The following SLC24A3 variants were observed in gnomAD, a reference collection of about 807,000 sequenced individuals.
SLC24A3 encodes sodium/potassium/calcium exchanger 3.
SLC24A3 carries 28 observed loss-of-function variants against 75.8 expected under a neutral mutation model. The observed-to-expected ratio is 0.37, with a 90% CI of 0.27 to 0.51. The LOEUF is 0.51. SLC24A3 is among the 20% of genes least tolerant of loss of function. The pLI is 0.94. For missense variants in SLC24A3, 663 were observed against 847.8 expected, an observed-to-expected ratio of 0.78 and a Z score of 2.71; for synonymous variants, 372 against 334.1, an observed-to-expected ratio of 1.11 and a Z score of -1.24.
At chr20:19,379,383 G>A (rs1049400810) in intron 2 of SLC24A3, among the ~76,000 whole-genome samples, 1 of 152,192 alleles carries the variant, frequency 6.6e-6, no homozygotes, top group African/African-American at 2.4e-5. Context: ...TGCCAGCCAC[G>A]TGGGATCAGG....
chr20:19,475,066 C>T (rs746312143), intron 2 of SLC24A3, among the ~76,000 whole-genome samples: 1 of 152,112 alleles, frequency 6.6e-6, no homozygotes, highest in East Asian at 1.9e-4. Context: ...AGGCTGGGCG[C>T]GGTGGCTCAC....
At chr20:19,246,051 A>G (rs760053911) in intron 1 of SLC24A3, among the ~76,000 whole-genome samples, 1 of 152,178 alleles carries the variant, frequency 6.6e-6, no homozygotes. Context: ...ATATCTAAGA[A>G]TAAAACATGT....
At chr20:19,322,559 T>A (rs1984737287) in intron 2 of SLC24A3, among the ~76,000 whole-genome samples, 1 of 152,166 alleles carries the variant, frequency 6.6e-6, no homozygotes, top group Admixed American at 6.5e-5. Context: ...TTCTTTCCTG[T>A]GTGGGTATTT....
At chr20:19,632,564 C>T (rs1169648315) in intron 6 of SLC24A3, among the ~76,000 whole-genome samples, 1 of 152,212 alleles carries the variant, frequency 6.6e-6, no homozygotes, top group East Asian at 1.9e-4. Flanking sequence ...AGGCTAACCT[C>T]TCTATCCCAA....
intron 2 of SLC24A3, among the ~76,000 whole-genome samples, chr20:19,506,071 C>T (rs969461356): frequency 5.3e-5 from 8 of 152,192 alleles, no homozygotes; most frequent in African/African-American, 1.9e-4. Context: ...TTCATTCTCC[C>T]ATTTTGCACA....
chr20:19,366,531 G>A (rs980521), intron 2 of SLC24A3, among the ~76,000 whole-genome samples: 67,895 of 151,832 alleles, frequency 0.45, 15,886 homozygotes, highest in Middle Eastern at 0.57. Context: ...CTAATGACCA[G>A]CCCTTACCCT....
chr20:19,482,585 C>T (rs1464049082), intron 2 of SLC24A3, among the ~76,000 whole-genome samples: 1 of 152,190 alleles, frequency 6.6e-6, no homozygotes, highest in Non-Finnish European at 1.5e-5. Context: ...CAGTGTCCAG[C>T]CATTGGCAGG....
chr20:19,511,328 ATTT>A (rs11478021), intron 2 of SLC24A3, among the ~76,000 whole-genome samples: 3 of 140,740 alleles, frequency 2.1e-5, no homozygotes, highest in African/African-American at 2.7e-5. Flanking sequence ...GCTTAGCTCA[ATTT>A]TTTTTTTTTT....
intron 3 of SLC24A3, among the ~76,000 whole-genome samples, chr20:19,522,834 G>T (rs2030128451): frequency 6.6e-6 from 1 of 151,840 alleles, no homozygotes; most frequent in African/African-American, 2.4e-5. Context: ...TATTTATGGG[G>T]TATAATGTGA....
chr20:19,334,548 C>G (rs534533906), intron 2 of SLC24A3, among the ~76,000 whole-genome samples: 327 of 152,212 alleles, frequency 2.1e-3, no homozygotes, highest in Non-Finnish European at 3.3e-3. Flanking sequence ...TTTTCAAACA[C>G]CAAGATTCAG....
intron 3 of SLC24A3, among the ~76,000 whole-genome samples, chr20:19,550,018 A>G (rs908194276): frequency 1.3e-5 from 2 of 152,192 alleles, no homozygotes; most frequent in Non-Finnish European, 2.9e-5. Flanking sequence ...ACTTCCAGAT[A>G]TTTTATTTAA....
chr20:19,680,070 CTG>C (rs1600336963), intron 9 of SLC24A3, among the ~76,000 whole-genome samples: 2 of 147,758 alleles, frequency 1.4e-5, no homozygotes, highest in South Asian at 4.3e-4. Flanking sequence ...TGCTGTGTGT[CTG>C]TGTGTGTGTC....
intron 2 of SLC24A3, among the ~76,000 whole-genome samples, chr20:19,514,096 C>T (rs952261677): frequency 6.6e-6 from 1 of 152,210 alleles, no homozygotes; most frequent in Non-Finnish European, 1.5e-5. Flanking sequence ...TGCCTTAAGC[C>T]AATGCTGCCT....
At chr20:19,343,509 T>TA (rs1985322974) in intron 2 of SLC24A3, among the ~76,000 whole-genome samples, 1 of 152,092 alleles carries the variant, frequency 6.6e-6, no homozygotes. Context: ...TTACGGCAGA[T>TA]ATTGTTTTGC....
intron 2 of SLC24A3, among the ~76,000 whole-genome samples, chr20:19,496,524 TG>T (rs1181331509): frequency 2.0e-5 from 3 of 152,186 alleles, no homozygotes; most frequent in Non-Finnish European, 4.4e-5. Flanking sequence ...AGGATTCCTT[TG>T]GAATGATCAA....
chr20:19,334,484 T>C (rs2122297622), intron 2 of SLC24A3, among the ~76,000 whole-genome samples: 1 of 152,250 alleles, frequency 6.6e-6, no homozygotes, highest in Non-Finnish European at 1.5e-5. Context: ...TTTTCTGAGC[T>C]CTCATATATT....
intron 2 of SLC24A3, among the ~76,000 whole-genome samples, chr20:19,508,452 G>A (rs1036336731): frequency 1.3e-5 from 2 of 151,660 alleles, no homozygotes; most frequent in African/African-American, 4.8e-5. Flanking sequence ...TGCTCCATTT[G>A]ATCAATATGT....
chr20:19,616,315 G>A (rs1032954974), intron 6 of SLC24A3, among the ~76,000 whole-genome samples: 3 of 152,204 alleles, frequency 2.0e-5, no homozygotes, highest in Non-Finnish European at 4.4e-5. Context: ...CCACCTGATG[G>A]CCACATCCCT....
intron 2 of SLC24A3, among the ~76,000 whole-genome samples, chr20:19,429,657 C>T (rs1409021537): frequency 6.6e-6 from 1 of 152,172 alleles, no homozygotes; most frequent in Non-Finnish European, 1.5e-5. Context: ...CCAGGATTAT[C>T]TTCGAAGCCC....
Sources: allele counts gnomAD v4.1 joint callset (sites outside exome capture counted in the v4.1 genomes callset), GRCh38; gene constraint gnomAD v4.1.1; transcripts MANE v1.5; gene names NCBI Gene and HGNC (gene_info 2026-07-23, HGNC 2026-07-21).